Variants in UBE3D observed in about 807,000 individuals in gnomAD.
UBE3D encodes the protein E3 ubiquitin-protein ligase E3D.
A neutral mutation model predicts 49.6 loss-of-function variants in UBE3D; 48 were observed. The ratio of observed to expected loss-of-function variants is 0.97; its 90% CI spans 0.77 to 1.23. UBE3D has a LOEUF of 1.23. Ranked by LOEUF, UBE3D falls within the 50% of genes most tolerant of loss-of-function variation. UBE3D has a pLI of 0.00. For synonymous variants in UBE3D, 189 were observed against 174.2 expected (o/e 1.08, Z -0.67); for missense variants, 452 against 468.4 (o/e 0.96, Z 0.32).
chr6:82,983,571 T>C (rs1778259670), intron 8 of UBE3D, among the ~76,000 whole-genome samples: 1 of 152,122 alleles, frequency 6.6e-6, no homozygotes, highest in Admixed American at 6.5e-5. Context: ...TGTTAAATTA[T>C]GTGCTCATTT....
intron 5 of UBE3D, among the ~76,000 whole-genome samples, chr6:83,025,743 C>T (rs975883484): frequency 3.6e-4 from 54 of 151,656 alleles, no homozygotes; most frequent in African/African-American, 1.2e-3. Flanking sequence ...ATTAGCTGGG[C>T]GCAGTGACTC....
rs139928790 is a variant in UBE3D at position 83,010,742 on chromosome 6, G to A, written c.1010+8231C>T. Among the ~76,000 whole-genome samples the A allele has an allele frequency of 9.7e-3, 1,476 of 152,264 alleles. 22 individuals are homozygous for A. Among genetic ancestry groups the A allele is most frequent in the African/African-American group, 0.034 (1,399 of 41,546 alleles). On this transcript the variant is annotated intron_variant, in intron 8 of 9. Transcript: ENST00000369747. ...GCAAGAAGCATCCAGCATAGGAGAA[G>A]GATGTAGGCTGGGAGGCAAAGCCAG...
Position 83,065,694 on chromosome 6 carries a change from G to A in UBE3D, c.25C>T (p.Arg9Cys). Residue 9 changes from arginine to cysteine, a missense_variant, in exon 1 of 10, where the codon CGC becomes TGC. Coordinates refer to ENST00000369747, the MANE Select transcript of UBE3D (RefSeq NM_198920.3). The part of the protein sequence containing the change: MAASAAET[R>C]VFLEVRGQLQ... Reference sequence around the variant, plus strand: ...TGTCCCCGCACCTCCAGAAACACGCGCGTCTCCGCCGCAGAAGCCGCCATG... The same window carrying A: ...TGTCCCCGCACCTCCAGAAACACGCACGTCTCCGCCGCAGAAGCCGCCATG... The A allele has an allele frequency of 6.2e-7, 1 of 1,612,206 alleles. No individual in the cohort carries two copies. The highest frequency in any genetic ancestry group is 8.5e-7 in the Non-Finnish European group (1 of 1,179,376).
intron 8 of UBE3D, among the ~76,000 whole-genome samples, chr6:82,985,962 G>A (rs1282897313): frequency 1.3e-5 from 2 of 151,950 alleles, no homozygotes; most frequent in South Asian, 2.1e-4. Context: ...GCTAGTCCTT[G>A]CCCTGATTTC....
chr6:82,986,981 G>A (rs1388960771), intron 8 of UBE3D, among the ~76,000 whole-genome samples: 8 of 151,290 alleles, frequency 5.3e-5, no homozygotes, highest in African/African-American at 9.7e-5. Flanking sequence ...GTCTTGATCC[G>A]TCGCCCAGGC....
At chr6:83,008,066 A>C (rs1274455361) in intron 8 of UBE3D, among the ~76,000 whole-genome samples, 1 of 152,216 alleles carries the variant, frequency 6.6e-6, no homozygotes, top group Non-Finnish European at 1.5e-5. Flanking sequence ...CTGAGGGAAA[A>C]GGCAGACACA....
At chr6:82,921,157 T>C (rs914496270) in intron 9 of UBE3D, among the ~76,000 whole-genome samples, 1 of 152,182 alleles carries the variant, frequency 6.6e-6, no homozygotes, top group African/African-American at 2.4e-5. Flanking sequence ...TTTTGGCATG[T>C]TGCCCAGGCT....
chr6:83,048,347 C>T (rs1253987693), intron 3 of UBE3D, among the ~76,000 whole-genome samples: 1 of 151,970 alleles, frequency 6.6e-6, no homozygotes, highest in Non-Finnish European at 1.5e-5. Context: ...CAAGAAGAAC[C>T]AGCAGAAGAA....
At chr6:82,986,470 CAAAAAAA>C (rs58841514) in intron 8 of UBE3D, among the ~76,000 whole-genome samples, 5 of 34,866 alleles carry the variant, frequency 1.4e-4, no homozygotes, top group South Asian at 2.9e-3. Flanking sequence ...CACTCTGTCT[CAAAAAAA>C]AAAAAAAAAA....
At chr6:82,910,879 TAACA>T (rs1175128637) in intron 9 of UBE3D, among the ~76,000 whole-genome samples, 1 of 152,160 alleles carries the variant, frequency 6.6e-6, no homozygotes, top group African/African-American at 2.4e-5. Context: ...GTTGGGATCT[TAACA>T]ATCACTGTGG....
At chr6:82,979,953 C>T (rs1777998904) in intron 8 of UBE3D, among the ~76,000 whole-genome samples, 1 of 152,080 alleles carries the variant, frequency 6.6e-6, no homozygotes, top group Admixed American at 6.6e-5. Flanking sequence ...AAGAGCATTC[C>T]TTTCTTTATA....
chr6:82,893,451 G>T (rs1358215703), intron 9 of UBE3D, among the ~76,000 whole-genome samples: 1 of 152,072 alleles, frequency 6.6e-6, no homozygotes, highest in Non-Finnish European at 1.5e-5. Flanking sequence ...CTAGGTCATT[G>T]TGATACTTTC....
chr6:82,968,290 T>C (rs917805797), intron 8 of UBE3D, among the ~76,000 whole-genome samples: 1 of 151,874 alleles, frequency 6.6e-6, no homozygotes, highest in Non-Finnish European at 1.5e-5. Context: ...TCTCCCCCTT[T>C]TAACCTCCCT....
At chr6:83,032,399 C>T (rs898022821) in intron 5 of UBE3D, 5 of 387,862 alleles carry the variant, frequency 1.3e-5, no homozygotes, top group African/African-American at 1.0e-4. Context: ...GGCCTTTAGC[C>T]CCTTTGATTT....
chr6:82,971,495 C>T (rs1267574229), intron 8 of UBE3D, among the ~76,000 whole-genome samples: 1 of 151,858 alleles, frequency 6.6e-6, no homozygotes, highest in Non-Finnish European at 1.5e-5. Context: ...CATTAATCAG[C>T]ATTACCCACT....
At chr6:83,011,794 T>C (rs150608645) in intron 8 of UBE3D, among the ~76,000 whole-genome samples, 180 of 152,222 alleles carry the variant, frequency 1.2e-3, no homozygotes, top group Admixed American at 3.0e-3. Context: ...AGCAATGTTG[T>C]GGGAAGAGGA....
chr6:82,942,764 C>G (rs1405002637), intron 9 of UBE3D, among the ~76,000 whole-genome samples: 1 of 152,224 alleles, frequency 6.6e-6, no homozygotes, highest in Non-Finnish European at 1.5e-5. Flanking sequence ...GCCTGGATGT[C>G]CAGGCAGAGG....
intron 3 of UBE3D, among the ~76,000 whole-genome samples, chr6:83,046,258 T>C (rs993449902): frequency 6.6e-6 from 1 of 152,124 alleles, no homozygotes; most frequent in African/African-American, 2.4e-5. Context: ...AATTCCCCCA[T>C]GTTAACCATT....
downstream of UBE3D, among the ~76,000 whole-genome samples, chr6:82,891,171 G>A (rs985723877): frequency 6.6e-6 from 1 of 152,174 alleles, no homozygotes; most frequent in Non-Finnish European, 1.5e-5. Context: ...TTGTTTCTCA[G>A]GCCATATCTT....
Sources: gnomAD v4.1 joint callset for allele counts (sites outside exome capture counted in the v4.1 genomes callset) on GRCh38, gnomAD v4.1.1 for gene constraint, MANE v1.5 for transcripts, NCBI Gene and HGNC (gene_info 2026-07-23, HGNC 2026-07-21) for gene names.